The following MARF1 variants were observed in gnomAD, a reference collection of about 807,000 sequenced individuals.
MARF1 encodes the protein meiosis regulator and mRNA stability factor 1.
Under a neutral mutation model 168.2 loss-of-function variants are expected in MARF1, and 24 were observed. The ratio of observed to expected loss-of-function variants is 0.14; its 90% confidence interval spans 0.10 to 0.20. MARF1 has a LOEUF of 0.20. MARF1 is among the 10% of genes least tolerant of loss of function. MARF1 has a pLI of 1.00. For synonymous variants in MARF1, 868 were observed against 822.4 expected (o/e 1.06, Z -0.95); for missense variants, 1,744 against 2,143.6 (o/e 0.81, Z 3.68).
chr16:15,631,616 G>T, intron 5 of MARF1, 118 bp from the exon 6 acceptor site: 1 of 551,430 alleles, frequency 1.8e-6, no homozygotes. Context: ...TGGGGTACAT[G>T]TGCAGAACGT....
intron 1 of MARF1, among the ~76,000 whole-genome samples, chr16:15,641,076 C>T (rs903298435): frequency 6.6e-6 from 1 of 152,052 alleles, no homozygotes; most frequent in Non-Finnish European, 1.5e-5. Flanking sequence ...GCGTGGGCAA[C>T]AGAGTGAGAT....
chr16:15,637,590 C>T (rs34538782), intron 2 of MARF1, among the ~76,000 whole-genome samples: 11,627 of 152,242 alleles, frequency 0.076, 852 homozygotes, highest in African/African-American at 0.18. Context: ...GGCAGGCTTA[C>T]TATGAGTTGA....
At chr16:15,635,308 C>T in intron 3 of MARF1, 1 of 399,462 alleles carries the variant, frequency 2.5e-6, no homozygotes, top group East Asian at 4.2e-5. Flanking sequence ...ATGCAGTTAT[C>T]TACCTTACAT....
chr16:15,608,260 G>GGA (rs756451808), intron 21 of MARF1, 31 bp downstream of exon 21: 12 of 832,256 alleles, frequency 1.4e-5, no homozygotes, highest in African/African-American at 1.0e-4. Context: ...TCCCATGAGG[G>GGA]AAAAAAAAAA....
At position 15,625,444 on chromosome 16, in the gene MARF1, T is replaced by C; in HGVS notation, c.1881A>G (p.Lys627=). Residue 627 remains lysine, a synonymous_variant, in exon 8 of 27, where the codon AAA becomes AAG. Transcript: ENST00000396368. ...KDASEQSSSA[K]ATPGKGSQAN... ...CCTGTGACCCTTTTCCAGGCGTGGCTTTGGCACTGGAAGATTGTTCACTTG... is the reference window on the plus strand; with the variant it reads ...CCTGTGACCCTTTTCCAGGCGTGGCCTTGGCACTGGAAGATTGTTCACTTG... 6.2e-7 allele frequency: 1 copy of C among 1,614,160 alleles called. No homozygotes were observed. The highest frequency in any genetic ancestry group is 8.5e-7 in the Non-Finnish European group (1 of 1,180,022).
chr16:15,603,239 G>C (rs1261278816), intron 22 of MARF1, among the ~76,000 whole-genome samples: 2 of 152,142 alleles, frequency 1.3e-5, no homozygotes, highest in Non-Finnish European at 1.5e-5. Context: ...TCTTATTTAG[G>C]ATCATTTTAA....
In MARF1 at chr16:15,624,998, AAG is replaced by A; in HGVS notation, c.2111+16_2111+17del. 6.2e-7 allele frequency: 1 copy of A among 1,613,844 alleles called. No individual in the cohort carries two copies. The highest frequency in any genetic ancestry group is 1.1e-5 in the South Asian group (1 of 91,082). ...TCACATTCAAGAAGCAGCTATGAGA[AAG>A]AGTAGTTTCACATACTTCTGACTGG... On this transcript the variant is annotated intron_variant, in intron 9 of 26. Coordinates refer to ENST00000396368, the MANE Select transcript of MARF1 (RefSeq NM_014647.4).
intron 19 of MARF1, chr16:15,610,467 A>G (rs1381307406): frequency 6.5e-6 from 1 of 152,966 alleles, no homozygotes; most frequent in East Asian, 1.9e-4. Flanking sequence ...ATTGGCCCCC[A>G]GTATCCATGA....
chr16:15,620,790 G>C (rs576579757), intron 12 of MARF1, among the ~76,000 whole-genome samples: 15 of 152,306 alleles, frequency 9.8e-5, no homozygotes, highest in African/African-American at 3.6e-4. Context: ...GATGAATTCA[G>C]AGCAAAAGGG....
chr16:15,611,487 C>T, intron 18 of MARF1, 105 bp downstream of exon 18: 6 of 891,688 alleles, frequency 6.7e-6, no homozygotes, highest in South Asian at 2.2e-5. Context: ...TACAAGTTTT[C>T]CAAAAGAATG....
chr16:15,625,922 AT>A, intron 7 of MARF1, 122 bp from the exon 8 acceptor site: 1 of 707,624 alleles, frequency 1.4e-6, no homozygotes, highest in Non-Finnish European at 2.4e-6. Context: ...GATGACAGTG[AT>A]TTAGATGGGA....
Position 15,616,005 on chromosome 16 carries a change from G to A in MARF1, c.3078C>T (p.Ser1026=). The change falls in exon 16 of 27, where the codon AGC becomes AGT. Residue 1026 remains serine, a splice_region_variant and synonymous_variant. Coordinates refer to ENST00000396368, the MANE Select transcript of MARF1 (RefSeq NM_014647.4). ...QTHEGTVPLL[S]FPDCYIAEFG... The stretch of plus-strand genomic sequence containing the variant: ...ACTCTGCAATGTAACAATCTGGAAA[G>A]CTGAAATAGGAAAAAACAACAAAAA... The A allele has an allele frequency of 6.7e-7, 1 of 1,485,434 alleles. No homozygotes were observed. The highest frequency in any genetic ancestry group is 9.0e-7 in the Non-Finnish European group (1 of 1,111,394). 92.0% of individuals were successfully genotyped at this position (1,485,434 alleles called of 1,614,324 possible).
Position 15,625,582 on chromosome 16 carries a change from T to G in MARF1, c.1743A>C (p.Ser581=). 1 of 1,614,164 alleles carries G rather than the reference T, an allele frequency of 6.2e-7. No homozygotes were observed. The highest frequency in any genetic ancestry group is 1.1e-5 in the South Asian group (1 of 91,084). The change falls in exon 8 of 27, where the codon TCA becomes TCC. Residue 581 remains serine (S), a synonymous_variant. Coordinates refer to ENST00000396368, the MANE Select transcript of MARF1 (RefSeq NM_014647.4). ...EDVFGNRIIV[S]FTPKNRELCE... ...AGAGTTCTCTATTTTTTGGAGTAAATGACACAATGATCCTATTACCAAAGA... is the reference window on the plus strand; with the variant it reads ...AGAGTTCTCTATTTTTTGGAGTAAAGGACACAATGATCCTATTACCAAAGA...
chr16:15,640,521 T>A (rs984451685), intron 1 of MARF1, among the ~76,000 whole-genome samples: 4 of 152,122 alleles, frequency 2.6e-5, no homozygotes, highest in Non-Finnish European at 5.9e-5. Flanking sequence ...CTGGGCAACA[T>A]GGCAAAACCC....
At position 15,635,041 on chromosome 16, in the gene MARF1, G is replaced by C. The variant is rs552100336; in HGVS notation, c.832-110C>G. 845 of 845,016 alleles carry C rather than the reference G, an allele frequency of 1.0e-3. 1 individual carries two copies. Among genetic ancestry groups the C allele is most frequent in the Middle Eastern group, 3.1e-3 (10 of 3,224 alleles). The allele number at this position is 845,016 out of a possible 1,614,324, so 52.3% of individuals were successfully genotyped here. A position where few individuals can be genotyped will look rare whatever the true frequency, so the allele number is the denominator to read the frequency against. On this transcript the variant is annotated intron_variant, in intron 3 of 26. Transcript: ENST00000396368. ...CTCTAAGTGTTTTACCTTTCCACTT[G>C]CTAGCCTCTAATAAAAAGGACTTTC...
rs775240446 is a variant in MARF1, at chr16:15,617,066, G to C, written c.3063C>G (p.Thr1021=). 7 of 1,612,964 alleles carry C rather than the reference G, an allele frequency of 4.3e-6. No individual in the cohort carries two copies. Among genetic ancestry groups the C allele is most frequent in the Non-Finnish European group, 5.9e-6 (7 of 1,179,766 alleles). The part of the protein sequence containing the change: ...VHSLLQTHEG[T]VPLLSFPDCY... ...AGATGGTTCACCTCAATAAAGGCAC[G>C]GTGCCCTCGTGGGTCTGGAGAAGAC... Residue 1021 remains threonine (T), a synonymous_variant, in exon 15 of 27, where the codon ACC becomes ACG. Transcript: ENST00000396368.
In MARF1 at chr16:15,615,979, A is replaced by G; in HGVS notation, c.3104T>C (p.Phe1035Ser). ...TTCTTGCACTACTTCTAGATCGCCA[A>G]ACTCTGCAATGTAACAATCTGGAAA... ...LSFPDCYIAE[F>S]GDLEVVQENQ... The change falls in exon 16 of 27, where the codon TTT (phenylalanine) becomes TCT (serine). Residue 1035 changes from phenylalanine to serine, a missense_variant. Physicochemically the swap from Phe to Ser is radical, Grantham distance 155. Coordinates refer to ENST00000396368, the MANE Select transcript of MARF1 (RefSeq NM_014647.4). 1 of 1,543,154 alleles carries G rather than the reference A, an allele frequency of 6.5e-7. No individual in the cohort carries two copies. The highest frequency in any genetic ancestry group is 8.8e-7 in the Non-Finnish European group (1 of 1,141,652).
chr16:15,611,245 T>A, intron 18 of MARF1, 137 bp from the exon 19 acceptor site: 1 of 781,048 alleles, frequency 1.3e-6, no homozygotes, highest in Non-Finnish European at 2.1e-6. Flanking sequence ...GATCACGAGG[T>A]CAAGAGATCG....
intron 5 of MARF1, 101 bp from the exon 6 acceptor site, chr16:15,631,599 TAAG>T (rs1485426510): frequency 1.4e-6 from 1 of 712,362 alleles, no homozygotes; most frequent in African/African-American, 1.8e-5. Flanking sequence ...TATTATACTT[TAAG>T]TTCTGGGGTA....
Sources: allele counts gnomAD v4.1 joint callset (sites outside exome capture counted in the v4.1 genomes callset), GRCh38; gene constraint gnomAD v4.1.1; transcripts MANE v1.5; gene names NCBI Gene and HGNC (gene_info 2026-07-23, HGNC 2026-07-21).